Variants in ZNF33A observed in about 807,000 individuals in gnomAD.
ZNF33A encodes the protein zinc finger protein 33A, also known as brain my041 protein.
Under a neutral mutation model 15.9 loss-of-function variants are expected in ZNF33A, and 9 were observed. That is an observed-to-expected ratio of 0.57 (90% confidence interval 0.34 to 0.99). The LOEUF (loss-of-function observed/expected upper bound fraction) is 0.99. Ranked by LOEUF, ZNF33A falls within the 50% of genes least tolerant of loss-of-function variation. The pLI is 0.02. For synonymous variants in ZNF33A, 294 were observed against 324.2 expected, an observed-to-expected ratio of 0.91 and a Z score of 1.00; for missense variants, 843 against 941.6, an observed-to-expected ratio of 0.90 and a Z score of 1.37.
At chr10:38,050,515 A>G (rs1277652965) in intron 4 of ZNF33A, among the ~76,000 whole-genome samples, 3 of 152,336 alleles carry the variant, frequency 2.0e-5, no homozygotes, top group Admixed American at 6.5e-5. Context: ...ATTTGTATGT[A>G]AAGTCTGATG....
rs575533582 is a variant in ZNF33A, at chr10:38,016,095, T to C, written c.10-776T>C. 7.1e-6 allele frequency: 7 copies of C among 990,318 alleles called. No individual in the cohort carries two copies. The African/African-American group carries it at 1.0e-4, about 14-fold the overall frequency. The allele number at this position is 990,318 out of a possible 1,614,324, so 61.3% of individuals were successfully genotyped here. On this transcript the variant is annotated intron_variant, in intron 2 of 4. Transcript: ENST00000432900. The stretch of plus-strand genomic sequence containing the variant: ...TCTTTCCATTTTCTACACATCCTTA[T>C]TATTGTCTCTGAATTAAAGGATTAG...
At chr10:38,052,987 TTTTA>T (rs1468116364) in intron 4 of ZNF33A, among the ~76,000 whole-genome samples, 9 of 151,666 alleles carry the variant, frequency 5.9e-5, no homozygotes, top group Non-Finnish European at 1.0e-4. Context: ...TATATTATAA[TTTTA>T]TTTATTTATT....
chr10:38,040,295 T>TAG (rs1287192065), intron 4 of ZNF33A, among the ~76,000 whole-genome samples: 2 of 152,186 alleles, frequency 1.3e-5, no homozygotes, highest in African/African-American at 4.8e-5. Flanking sequence ...ATGTTCTGTC[T>TAG]ATATCTCTTA....
At chr10:38,013,429 A>T (rs1219380780) in intron 2 of ZNF33A, among the ~76,000 whole-genome samples, 3 of 151,126 alleles carry the variant, frequency 2.0e-5, no homozygotes, top group African/African-American at 7.3e-5. Flanking sequence ...AATGTATTTT[A>T]TTATTATTAT....
chr10:38,015,123 C>G (rs2135540078), intron 2 of ZNF33A, among the ~76,000 whole-genome samples: 1 of 152,200 alleles, frequency 6.6e-6, no homozygotes, highest in Non-Finnish European at 1.5e-5. Context: ...GAGCCACCTG[C>G]CTTGACCTCC....
intron 4 of ZNF33A, among the ~76,000 whole-genome samples, chr10:38,051,807 G>A (rs1487239296): frequency 2.6e-5 from 4 of 151,220 alleles, no homozygotes; most frequent in Admixed American, 1.3e-4. Context: ...TTTTTATTTT[G>A]CACTGGCCCC....
chr10:38,038,494 T>C (rs1234245279), intron 4 of ZNF33A, among the ~76,000 whole-genome samples: 2 of 152,240 alleles, frequency 1.3e-5, no homozygotes, highest in Admixed American at 6.5e-5. Flanking sequence ...GTTTTAATAG[T>C]GTTTCAGCAG....
At chr10:38,049,192 A>G (rs1355623275) in intron 4 of ZNF33A, among the ~76,000 whole-genome samples, 1 of 152,162 alleles carries the variant, frequency 6.6e-6, no homozygotes, top group Non-Finnish European at 1.5e-5. Context: ...TTCAAAGAAG[A>G]GTTCAAAGGG....
chr10:38,054,355 T>C lies in ZNF33A; in HGVS notation c.251-20T>C. On this transcript the variant is annotated intron_variant, in intron 4 of 4. Coordinates refer to ENST00000432900, the MANE Select transcript of ZNF33A (RefSeq NM_006954.2). ...ATGTTTTGGTATTTATGTGGTAAGA[T>C]TAATTTTGCTTGTTTCTAGAAGTCT... is the stretch of plus-strand genomic sequence containing the variant. The C allele has an allele frequency of 1.3e-6, 2 of 1,513,212 alleles. No homozygotes were observed. Among genetic ancestry groups the C allele is most frequent in the Non-Finnish European group, 8.8e-7 (1 of 1,137,220 alleles). The allele number at this position is 1,513,212 out of a possible 1,614,324, so 93.7% of individuals were successfully genotyped here. A position where few individuals can be genotyped will look rare whatever the true frequency, so the allele number is the denominator to read the frequency against.
At chr10:38,053,536 G>A (rs11011434) in intron 4 of ZNF33A, among the ~76,000 whole-genome samples, 1,837 of 152,212 alleles carry the variant, frequency 0.012, 20 homozygotes, top group Middle Eastern at 0.041. Flanking sequence ...GGAGGTTGGG[G>A]TTTTAACATA....
chr10:38,028,531 G>A (rs655234), intron 4 of ZNF33A, among the ~76,000 whole-genome samples: 33 of 151,422 alleles, frequency 2.2e-4, no homozygotes, highest in Non-Finnish European at 4.6e-4. Context: ...GCAGTGGTAC[G>A]ATCTTGGCTC....
At chr10:38,036,875 A>G (rs2065475413) in intron 4 of ZNF33A, among the ~76,000 whole-genome samples, 1 of 152,240 alleles carries the variant, frequency 6.6e-6, no homozygotes, top group Admixed American at 6.5e-5. Context: ...GCAAAGTTGG[A>G]GGATAGAAGC....
intron 2 of ZNF33A, among the ~76,000 whole-genome samples, chr10:38,015,566 C>T (rs2064413410): frequency 6.6e-6 from 1 of 152,074 alleles, no homozygotes; most frequent in Admixed American, 6.6e-5. Flanking sequence ...GGTGATCCAC[C>T]CACCTCAGCC....
rs1247701979 is a variant in ZNF33A at position 38,059,070 on chromosome 10, T to G, written c.*2510T>G. 1 of 152,228 alleles carries G rather than the reference T, an allele frequency of 6.6e-6. No individual in the cohort carries two copies. Among genetic ancestry groups the G allele is most frequent in the African/African-American group, 2.4e-5 (1 of 41,464 alleles). 9.4% of individuals were successfully genotyped at this position (152,228 alleles called of 1,614,324 possible). ...GCAAGGCTTGTTCAACATTTGATAT[T>G]CAGTGTAATCCATTGCATGCATTAG... On this transcript the variant is annotated 3_prime_UTR_variant, in exon 5 of 5. Coordinates refer to ENST00000432900, the MANE Select transcript of ZNF33A (RefSeq NM_006954.2).
chr10:38,013,808 A>C (rs1486280229), intron 2 of ZNF33A, among the ~76,000 whole-genome samples: 1 of 152,114 alleles, frequency 6.6e-6, no homozygotes, highest in Non-Finnish European at 1.5e-5. Flanking sequence ...TTAAATATAG[A>C]ACTTAATGAA....
intron 4 of ZNF33A, among the ~76,000 whole-genome samples, chr10:38,020,829 T>G (rs565428267): frequency 6.6e-6 from 1 of 152,344 alleles, no homozygotes; most frequent in African/African-American, 2.4e-5. Flanking sequence ...TGTACTGATT[T>G]CTTTTCTTTT....
intron 4 of ZNF33A, among the ~76,000 whole-genome samples, chr10:38,024,671 T>G (rs1174803196): frequency 2.6e-5 from 4 of 152,248 alleles, no homozygotes; most frequent in Non-Finnish European, 2.9e-5. Context: ...GTGTTAAGGC[T>G]TATTACATTA....
At chr10:38,032,309 G>A (rs553845844) in intron 4 of ZNF33A, among the ~76,000 whole-genome samples, 4 of 152,226 alleles carry the variant, frequency 2.6e-5, no homozygotes, top group East Asian at 1.9e-4. Flanking sequence ...TATACACCAC[G>A]AAACAGGTAT....
chr10:38,040,109 CT>C (rs377239321), intron 4 of ZNF33A, among the ~76,000 whole-genome samples: 35 of 148,132 alleles, frequency 2.4e-4, no homozygotes, highest in South Asian at 6.4e-4. Flanking sequence ...GCTTCTTTAA[CT>C]TTTTTTTTTA....
Sources: allele counts gnomAD v4.1 joint callset (sites outside exome capture counted in the v4.1 genomes callset), GRCh38; gene constraint gnomAD v4.1.1; transcripts MANE v1.5; gene names NCBI Gene and HGNC (gene_info 2026-07-23, HGNC 2026-07-21).